STXBP4: variants seen among roughly 807,000 people sequenced by gnomAD.
STXBP4 encodes the protein syntaxin binding protein 4, also known as syntaxin-binding protein 4.
A neutral mutation model predicts 76.1 loss-of-function variants in STXBP4; 55 were observed. The ratio of observed to expected loss-of-function variants is 0.72; its 90% CI spans 0.58 to 0.91. The LOEUF is 0.91. STXBP4 is among the 40% of genes least tolerant of loss of function. STXBP4 has a pLI of 0.00. For synonymous variants in STXBP4, 201 were observed against 220.2 expected, an observed-to-expected ratio of 0.91 and a Z score of 0.77; for missense variants, 618 against 636.9, an observed-to-expected ratio of 0.97 and a Z score of 0.32.
chr17:55,057,435 A>T (rs997339674), intron 12 of STXBP4, among the ~76,000 whole-genome samples: 5 of 152,252 alleles, frequency 3.3e-5, no homozygotes, highest in Admixed American at 3.3e-4. Context: ...TCAGCTTGAG[A>T]AAACTAAGCA....
At chr17:55,185,275 C>CCTT in the STXBP4 span, among the ~76,000 whole-genome samples, 8 of 48,632 alleles carry the variant, frequency 1.6e-4, no homozygotes, top group African/African-American at 7.1e-4. Context: ...TTCTCCTTCT[C>CCTT]CTTCTCCTTC....
intron 16 of STXBP4, among the ~76,000 whole-genome samples, chr17:55,120,312 T>C (rs1325045629): frequency 2.0e-5 from 3 of 152,226 alleles, no homozygotes; most frequent in African/African-American, 7.2e-5. Context: ...CCGTATGGGA[T>C]GGCAAGTGAG....
chr17:55,110,338 T>G (rs551502920), intron 16 of STXBP4, among the ~76,000 whole-genome samples: 4 of 152,334 alleles, frequency 2.6e-5, no homozygotes, highest in Admixed American at 1.3e-4. Context: ...AGTCATAGTT[T>G]CCATGGCTTA....
At chr17:55,017,363 T>C (rs572324378) in intron 8 of STXBP4, among the ~76,000 whole-genome samples, 2 of 152,208 alleles carry the variant, frequency 1.3e-5, no homozygotes, top group South Asian at 4.1e-4. Context: ...GAGAGCTGTA[T>C]GCCTAAATTG....
chr17:54,999,652 T>C lies in STXBP4; in HGVS notation c.308T>C (p.Ile103Thr). The change falls in exon 6 of 18, where the codon ATA (isoleucine) becomes ACA (threonine). Residue 103 changes from isoleucine (I) to threonine (T), a missense_variant. By Grantham distance (89) the Ile-to-Thr change is moderately conservative. Transcript: ENST00000376352. ...ACTAGGTTAGAATCTGCTTGGGAGA[T>C]AGCATTCATAAGACAAAAATCCGAC... Reference protein sequence around the residue: ...AKLRLESAWEIAFIRQKSDNI... With the variant: ...AKLRLESAWETAFIRQKSDNI... 6.2e-7 allele frequency: 1 copy of C among 1,613,690 alleles called. No individual in the cohort carries two copies. Among genetic ancestry groups the C allele is most frequent in the South Asian group, 1.1e-5 (1 of 91,044 alleles).
At chr17:55,008,593 T>C (rs1394310219) in intron 8 of STXBP4, among the ~76,000 whole-genome samples, 1 of 152,170 alleles carries the variant, frequency 6.6e-6, no homozygotes, top group African/African-American at 2.4e-5. Context: ...CAGGGAAAAC[T>C]GTATTTTTAT....
the STXBP4 span, among the ~76,000 whole-genome samples, chr17:55,194,461 C>T: frequency 6.6e-6 from 1 of 152,090 alleles, no homozygotes; most frequent in African/African-American, 2.4e-5. Flanking sequence ...TTGGCCTGTC[C>T]CCCATCCCGC....
intron 12 of STXBP4, among the ~76,000 whole-genome samples, chr17:55,057,795 T>C (rs1233987168): frequency 1.3e-5 from 2 of 152,194 alleles, no homozygotes; most frequent in Non-Finnish European, 2.9e-5. Flanking sequence ...AGAGTGAGAA[T>C]ATGCAGTATT....
At chr17:55,174,389 G>T (rs1463373029), downstream of STXBP4, among the ~76,000 whole-genome samples, 1 of 151,980 alleles carries the variant, frequency 6.6e-6, no homozygotes, top group Non-Finnish European at 1.5e-5. Flanking sequence ...CTTTCTCATG[G>T]GTATGTAGTG....
chr17:55,036,547 C>G (rs574611683), intron 10 of STXBP4, among the ~76,000 whole-genome samples: 3 of 151,264 alleles, frequency 2.0e-5, no homozygotes, highest in Non-Finnish European at 3.0e-5. Context: ...TTTTTATTTT[C>G]CAGAAAGTCT....
intron 17 of STXBP4, among the ~76,000 whole-genome samples, chr17:55,148,128 A>G (rs1339124968): frequency 2.0e-5 from 3 of 152,194 alleles, no homozygotes; most frequent in African/African-American, 7.2e-5. Context: ...TCTAATACGC[A>G]TGGTTTCTCT....
chr17:55,103,579 G>GTTTTTTTT (rs36032034), intron 16 of STXBP4, among the ~76,000 whole-genome samples: 1 of 143,376 alleles, frequency 7.0e-6, no homozygotes. Flanking sequence ...CTCCAGTTTT[G>GTTTTTTTT]TTTTTTTTTT....
rs769846049 is a variant in STXBP4 at position 55,111,894 on chromosome 17, G to GGGTT, written c.1490-29415_1490-29412dup. Among the ~76,000 whole-genome samples, 168 of 134,844 alleles carry GGGTT rather than the reference G, an allele frequency of 1.2e-3. 1 individual carries two copies. Among genetic ancestry groups the GGGTT allele is most frequent in the Non-Finnish European group, 2.1e-3 (133 of 63,334 alleles). 88.5% of individuals were successfully genotyped at this position (134,844 alleles called of 152,430 possible). The stretch of plus-strand genomic sequence containing the variant: ...AAGACTCACGCTTTCATTTTATTCA[G>GGGTT]GGTTTGTTTGTTTGTTTGTTTGTTT... On this transcript the variant is annotated intron_variant, in intron 16 of 17. Transcript: ENST00000376352.
In STXBP4 at chr17:55,170,164, C is replaced by A. The variant is rs968495765; in HGVS notation, c.*10253C>A. 3.3e-5 allele frequency: 5 copies of A among 152,112 alleles called. No homozygotes were observed. The highest frequency in any genetic ancestry group is 3.3e-4 in the Admixed American group (5 of 15,266). The allele number at this position is 152,112 out of a possible 1,614,324, so 9.4% of individuals were successfully genotyped here. A position where few individuals can be genotyped will look rare whatever the true frequency, so the allele number is the denominator to read the frequency against. On this transcript the variant is annotated 3_prime_UTR_variant, in exon 18 of 18. Transcript: ENST00000376352. ...AAAATTTCTTCTTCTGTGAATTTAT[C>A]CTCACAAATGACCCCAAGTTTAGAC...
chr17:55,104,732 A>G (rs1413910977), intron 16 of STXBP4, among the ~76,000 whole-genome samples: 1 of 152,160 alleles, frequency 6.6e-6, no homozygotes, highest in Non-Finnish European at 1.5e-5. Flanking sequence ...CTCTGGTAGA[A>G]TTTGGCTGTG....
intron 8 of STXBP4, among the ~76,000 whole-genome samples, chr17:55,015,751 G>A (rs2078196665): frequency 1.3e-5 from 2 of 151,712 alleles, no homozygotes; most frequent in South Asian, 4.2e-4. Flanking sequence ...TGGGGAAGGA[G>A]TCGGGGGGAC....
intron 8 of STXBP4, among the ~76,000 whole-genome samples, chr17:55,010,589 A>G (rs1022023396): frequency 3.9e-5 from 6 of 152,104 alleles, no homozygotes; most frequent in Admixed American, 3.9e-4. Context: ...TAGGGATACA[A>G]TTTATTGCTT....
chr17:55,205,395 C>G, the STXBP4 span, among the ~76,000 whole-genome samples: 1 of 151,882 alleles, frequency 6.6e-6, no homozygotes, highest in Non-Finnish European at 1.5e-5. Context: ...AGTAGAAAAG[C>G]CTTTCGTAGG....
intron 16 of STXBP4, among the ~76,000 whole-genome samples, chr17:55,086,441 C>A (rs2079331454): frequency 6.6e-6 from 1 of 152,082 alleles, no homozygotes; most frequent in Non-Finnish European, 1.5e-5. Context: ...CTATATAGTA[C>A]ATTATTGTTA....
Sources: gnomAD v4.1 joint callset for allele counts (sites outside exome capture counted in the v4.1 genomes callset) on GRCh38, gnomAD v4.1.1 for gene constraint, MANE v1.5 for transcripts, NCBI Gene and HGNC (gene_info 2026-07-23, HGNC 2026-07-21) for gene names.